The following C10orf71 variants were observed in gnomAD, a reference collection of about 807,000 sequenced individuals.
The protein encoded by C10orf71 is chromosome 10 open reading frame 71.
For synonymous variants in C10orf71, 758 were observed against 726.3 expected (o/e 1.04, Z -0.70); for missense variants, 1,869 against 1,804.5 (o/e 1.04, Z -0.65).
rs1273847977 is a variant in C10orf71 at position 49,324,823 on chromosome 10, G to C, written c.2278G>C (p.Val760Leu). ...ENQREDRRKD[V>L]SAGDSQKDEK... Reference sequence around the variant, plus strand: ...CCAGCGGGAAGACAGGAGGAAGGATGTGAGTGCAGGTGACAGTCAGAAGGA... The same window carrying C: ...CCAGCGGGAAGACAGGAGGAAGGATCTGAGTGCAGGTGACAGTCAGAAGGA... Residue 760 changes from valine (V) to leucine (L), a missense_variant, in exon 3 of 3, where the codon GTG (valine) becomes CTG (leucine). Transcript: ENST00000374144. 9.0e-6 allele frequency: 14 copies of C among 1,551,908 alleles called. No homozygotes were observed. The Admixed American group carries it at 2.7e-4, about 30-fold the overall frequency.
chr10:49,299,445 A>T (rs1848686137), intron 1 of C10orf71: 1 of 152,368 alleles, frequency 6.6e-6, no homozygotes, highest in African/African-American at 2.4e-5. Flanking sequence ...GGACACGCAG[A>T]GAGCGGAAGG....
intron 1 of C10orf71, among the ~76,000 whole-genome samples, chr10:49,308,539 T>A (rs1848856586): frequency 6.6e-6 from 1 of 152,194 alleles, no homozygotes; most frequent in African/African-American, 2.4e-5. Context: ...GACCCTTATG[T>A]ATATCAAATC....
rs758752106 is a variant in C10orf71 at position 49,326,926 on chromosome 10, C to T, written c.*73C>T. ...CTTCCCCCTCCCCCAAAACAAGCAA[C>T]ACACACACACACACACACACACACA... On this transcript the variant is annotated 3_prime_UTR_variant, in exon 3 of 3. Coordinates refer to ENST00000374144, the MANE Select transcript of C10orf71 (RefSeq NM_001135196.2). 3 of 1,398,164 alleles carry T rather than the reference C, an allele frequency of 2.1e-6. No homozygotes were observed. Among genetic ancestry groups the T allele is most frequent in the South Asian group, 2.8e-5 (2 of 70,930 alleles). The allele number at this position is 1,398,164 out of a possible 1,614,324, so 86.6% of individuals were successfully genotyped here.
At chr10:49,314,179 A>G (rs1033425439) in intron 1 of C10orf71, among the ~76,000 whole-genome samples, 3 of 152,224 alleles carry the variant, frequency 2.0e-5, no homozygotes, top group African/African-American at 4.8e-5. Context: ...GGGGCCAGAC[A>G]TTAAAGGCCG....
At position 49,323,845 on chromosome 10, in the gene C10orf71, A is replaced by G; in HGVS notation, c.1300A>G (p.Asn434Asp). The part of the protein sequence containing the change: ...NNALDLPVEP[N>D]EHYDPPFNIS... ...TGCTCTTGACCTGCCTGTGGAACCC[A>G]ATGAACATTATGATCCCCCCTTTAA... Residue 434 changes from asparagine (N) to aspartate (D), a missense_variant, in exon 3 of 3, where the codon AAT (asparagine) becomes GAT (aspartate). By Grantham distance (23) the Asn-to-Asp change is conservative. Coordinates refer to ENST00000374144, the MANE Select transcript of C10orf71 (RefSeq NM_001135196.2). 2 of 1,613,866 alleles carry G rather than the reference A, an allele frequency of 1.2e-6. No homozygotes were observed. Among genetic ancestry groups the G allele is most frequent in the Non-Finnish European group, 1.7e-6 (2 of 1,179,850 alleles).
chr10:49,316,990 T>C (rs187890121), intron 2 of C10orf71, among the ~76,000 whole-genome samples: 2 of 152,358 alleles, frequency 1.3e-5, no homozygotes, highest in Admixed American at 6.5e-5. Flanking sequence ...GGGTAGAGAC[T>C]GCTTGGTTGA....
rs1654858454 is a variant in C10orf71, at chr10:49,326,448, C to G, written c.3903C>G (p.Asp1301Glu). The change falls in exon 3 of 3, where the codon GAC (aspartate) becomes GAG (glutamate). Residue 1301 changes from aspartate (D) to glutamate (E), a missense_variant. Coordinates refer to ENST00000374144, the MANE Select transcript of C10orf71 (RefSeq NM_001135196.2). ...PLQVKIKTFY[D>E]PETGKYVKVS... ...AGGTGAAAATCAAGACCTTCTATGA[C>G]CCAGAGACGGGCAAGTATGTCAAGG... 1 of 1,550,130 alleles carries G rather than the reference C, an allele frequency of 6.5e-7. No homozygotes were observed.
chr10:49,299,867 G>GT (rs1318789172), intron 1 of C10orf71, among the ~76,000 whole-genome samples: 3 of 152,204 alleles, frequency 2.0e-5, no homozygotes, highest in Admixed American at 6.5e-5. Context: ...CACACCAGCT[G>GT]TAACAAAGAG....
intron 1 of C10orf71, among the ~76,000 whole-genome samples, chr10:49,308,705 C>G (rs1310128032): frequency 5.3e-5 from 8 of 152,162 alleles, no homozygotes. Flanking sequence ...ATCTCCAGCA[C>G]CAAAACTGGT....
rs1307239772 is a variant in C10orf71 at position 49,325,692 on chromosome 10, C to A, written c.3147C>A (p.Val1049=). 1.3e-6 allele frequency: 2 copies of A among 1,551,818 alleles called. No homozygotes were observed. Among genetic ancestry groups the A allele is most frequent in the Non-Finnish European group, 1.7e-6 (2 of 1,147,040 alleles). ...PRAGPPGRRL[V]PSERANSPNP... ...CAGGGCCCCCTGGCAGAAGACTGGT[C>A]CCCAGTGAGAGGGCGAATTCCCCCA... Residue 1049 remains valine, a synonymous_variant, in exon 3 of 3, where the codon GTC becomes GTA. Coordinates refer to ENST00000374144, the MANE Select transcript of C10orf71 (RefSeq NM_001135196.2).
At chr10:49,312,584 A>T (rs903481213) in intron 1 of C10orf71, among the ~76,000 whole-genome samples, 1 of 152,144 alleles carries the variant, frequency 6.6e-6, no homozygotes, top group Non-Finnish European at 1.5e-5. Context: ...CATCAAAGCC[A>T]CTCCCCAACT....
At position 49,325,648 on chromosome 10, in the gene C10orf71, T is replaced by A. The variant is rs1849216886; in HGVS notation, c.3103T>A (p.Phe1035Ile). Residue 1035 changes from phenylalanine to isoleucine, a missense_variant, in exon 3 of 3, where the codon TTT becomes ATT. By Grantham distance (21) the Phe-to-Ile change is conservative. Transcript: ENST00000374144. ...GCAAACACCAGGTTTCAAGAGTCAC[T>A]TTTTGTCCACACCCAGAGCAGGGCC... ...EEQTPGFKSH[F>I]LSTPRAGPPG... 2 of 1,552,094 alleles carry A rather than the reference T, an allele frequency of 1.3e-6. No homozygotes were observed. Among genetic ancestry groups the A allele is most frequent in the Middle Eastern group, 3.3e-4 (2 of 5,992 alleles).
At chr10:49,298,852 G>A (rs534155563), upstream of C10orf71, 1 of 152,138 alleles carries the variant, frequency 6.6e-6, no homozygotes, top group Non-Finnish European at 1.5e-5. Flanking sequence ...ATGATGAAAC[G>A]GGCTATTTCT....
chr10:49,297,686 G>A (rs1032324678), upstream of C10orf71, among the ~76,000 whole-genome samples: 2 of 152,218 alleles, frequency 1.3e-5, no homozygotes, highest in Non-Finnish European at 2.9e-5. Context: ...GCTCAGGAAG[G>A]GTAAGTATGT....
In C10orf71 at chr10:49,326,869, C is replaced by T. The variant is rs1849266209; in HGVS notation, c.*16C>T. 6.8e-7 allele frequency: 1 copy of T among 1,467,756 alleles called. No individual in the cohort carries two copies. The highest frequency in any genetic ancestry group is 2.0e-5 in the Admixed American group (1 of 49,346). 90.9% of individuals were successfully genotyped at this position (1,467,756 alleles called of 1,614,324 possible). ...CATTTCTTGAGTTACTGCAGGCTGTCCCCCACCCCCAGATGAACCCAGAGG... is the reference window on the plus strand; with the variant it reads ...CATTTCTTGAGTTACTGCAGGCTGTTCCCCACCCCCAGATGAACCCAGAGG... On this transcript the variant is annotated 3_prime_UTR_variant, in exon 3 of 3. Coordinates refer to ENST00000374144, the MANE Select transcript of C10orf71 (RefSeq NM_001135196.2).
rs1345878858 is a variant in C10orf71 at position 49,324,268 on chromosome 10, GAC to G, written c.1724_1725del (p.Asp575AlafsTer4). 3 of 1,613,726 alleles carry G rather than the reference GAC, an allele frequency of 1.9e-6. No individual in the cohort carries two copies. The African/African-American group carries it at 4.0e-5, about 22-fold the overall frequency. ...PTASHINPQK[D>X]PTADPSEPSA... ...TGCATCACACATCAATCCCCAGAAG[GAC>G]CCTACAGCTGACCCCAGTGAGCCCT... On this transcript the variant is annotated frameshift_variant, in exon 3 of 3. Transcript: ENST00000374144. LOFTEE classifies it low-confidence loss of function (END_TRUNC).
chr10:49,316,374 C>T (rs751407861), intron 2 of C10orf71, 127 bp downstream of exon 2: 1 of 152,016 alleles, frequency 6.6e-6, no homozygotes, highest in East Asian at 1.9e-4. Flanking sequence ...CCATCTGACC[C>T]CAGGTATATC....
At chr10:49,300,715 G>A (rs1848714661) in intron 1 of C10orf71, among the ~76,000 whole-genome samples, 1 of 152,296 alleles carries the variant, frequency 6.6e-6, no homozygotes, top group South Asian at 2.1e-4. Flanking sequence ...GCTTATCGGG[G>A]TGATTTATAA....
At chr10:49,317,233 C>G (rs1460046266) in intron 2 of C10orf71, among the ~76,000 whole-genome samples, 3 of 152,126 alleles carry the variant, frequency 2.0e-5, no homozygotes, top group African/African-American at 7.2e-5. Flanking sequence ...CCATCAAACC[C>G]CACACCAGCC....
Sources: gnomAD v4.1 joint callset for allele counts (sites outside exome capture counted in the v4.1 genomes callset) on GRCh38, gnomAD v4.1.1 for gene constraint, MANE v1.5 for transcripts, NCBI Gene and HGNC (gene_info 2026-07-23, HGNC 2026-07-21) for gene names.